LRMDA: variants seen among roughly 807,000 people sequenced by gnomAD.
The protein encoded by LRMDA is leucine-rich melanocyte differentiation-associated protein.
Under a neutral mutation model 29.8 loss-of-function variants are expected in LRMDA, and 18 were observed. The observed-to-expected ratio is 0.60, with a 90% CI of 0.42 to 0.90. The LOEUF (loss-of-function observed/expected upper bound fraction) is 0.90. Ranked by LOEUF, LRMDA falls within the 40% of genes least tolerant of loss-of-function variation. LRMDA has a pLI of 0.00. For missense variants in LRMDA, 273 were observed against 273.9 expected (o/e 1.00, Z 0.02); for synonymous variants, 125 against 109.4 (o/e 1.14, Z -0.89).
At chr10:76,299,566 G>A (rs1016029846) in intron 5 of LRMDA, among the ~76,000 whole-genome samples, 1 of 150,496 alleles carries the variant, frequency 6.6e-6, no homozygotes, top group African/African-American at 2.4e-5. Flanking sequence ...ACAATGAATG[G>A]TCAGTTAGAA....
At chr10:75,708,378 T>C (rs112329404) in intron 2 of LRMDA, among the ~76,000 whole-genome samples, 1 of 152,354 alleles carries the variant, frequency 6.6e-6, no homozygotes, top group African/African-American at 2.4e-5. Flanking sequence ...TTACAGAACA[T>C]AAAGTTTGAA....
At chr10:76,416,097 A>C (rs571282700) in intron 6 of LRMDA, among the ~76,000 whole-genome samples, 19 of 152,328 alleles carry the variant, frequency 1.2e-4, no homozygotes, top group African/African-American at 3.8e-4. Flanking sequence ...GAGACTTAGG[A>C]AGAAGCATAC....
At chr10:75,735,004 T>G (rs561916310) in intron 2 of LRMDA, among the ~76,000 whole-genome samples, 2 of 152,310 alleles carry the variant, frequency 1.3e-5, no homozygotes, top group East Asian at 3.9e-4. Context: ...TCGCTCTAAT[T>G]TACTTATTCA....
At chr10:75,877,979 TG>T (rs1845228430) in intron 2 of LRMDA, among the ~76,000 whole-genome samples, 1 of 152,198 alleles carries the variant, frequency 6.6e-6, no homozygotes, top group Admixed American at 6.5e-5. Flanking sequence ...GCTTCTTTGA[TG>T]CCCTGCTGCT....
chr10:76,161,502 GAAAC>G (rs1034510768), intron 5 of LRMDA, among the ~76,000 whole-genome samples: 4 of 152,154 alleles, frequency 2.6e-5, no homozygotes, highest in African/African-American at 9.7e-5. Flanking sequence ...ACAGTTCTGG[GAAAC>G]AAACAAACAA....
intron 2 of LRMDA, among the ~76,000 whole-genome samples, chr10:75,530,744 A>G (rs753877327): frequency 3.9e-5 from 6 of 152,126 alleles, no homozygotes; most frequent in African/African-American, 9.7e-5. Context: ...TGAAACAAAG[A>G]GTTGACATTC....
At chr10:75,436,064 A>G (rs531759970) in intron 1 of LRMDA, among the ~76,000 whole-genome samples, 1 of 142,220 alleles carries the variant, frequency 7.0e-6, no homozygotes, top group Admixed American at 7.0e-5. Flanking sequence ...TTTAAAAAAA[A>G]AAAAAAAAAA....
chr10:76,364,401 C>A (rs575505142), intron 6 of LRMDA, among the ~76,000 whole-genome samples: 7 of 151,998 alleles, frequency 4.6e-5, no homozygotes, highest in Non-Finnish European at 8.8e-5. Context: ...ACTATATGGA[C>A]GTTAGGGATT....
At chr10:76,254,133 G>T (rs990599704) in intron 5 of LRMDA, among the ~76,000 whole-genome samples, 1 of 151,940 alleles carries the variant, frequency 6.6e-6, no homozygotes, top group Admixed American at 6.6e-5. Flanking sequence ...ATACTAGTTT[G>T]GTTTCTTTCA....
At chr10:75,945,013 G>T (rs1846453813) in intron 2 of LRMDA, among the ~76,000 whole-genome samples, 2 of 151,960 alleles carry the variant, frequency 1.3e-5, no homozygotes, top group South Asian at 4.2e-4. Flanking sequence ...TTGACTATGG[G>T]TCACATTGCC....
chr10:76,376,099 A>C (rs1463986433), intron 6 of LRMDA, among the ~76,000 whole-genome samples: 2 of 152,076 alleles, frequency 1.3e-5, no homozygotes, highest in Admixed American at 1.3e-4. Context: ...CCAACACCCA[A>C]ATAGTGTATA....
intron 6 of LRMDA, among the ~76,000 whole-genome samples, chr10:76,539,873 C>T (rs1436949443): frequency 1.3e-5 from 2 of 152,096 alleles, no homozygotes; most frequent in Admixed American, 1.3e-4. Context: ...AGTGAAAACA[C>T]ATTAAAAATT....
chr10:75,797,886 T>C (rs958705423), intron 2 of LRMDA, among the ~76,000 whole-genome samples: 13 of 152,202 alleles, frequency 8.5e-5, no homozygotes, highest in African/African-American at 3.1e-4. Flanking sequence ...TTGAGTCAAA[T>C]TGCTGCTAGA....
intron 6 of LRMDA, among the ~76,000 whole-genome samples, chr10:76,352,238 A>T (rs1456624263): frequency 6.6e-6 from 1 of 151,922 alleles, no homozygotes; most frequent in Non-Finnish European, 1.5e-5. Context: ...ATACTGTATT[A>T]TTTTTTTGTG....
intron 2 of LRMDA, among the ~76,000 whole-genome samples, chr10:75,597,559 G>A (rs533711160): frequency 1.3e-5 from 2 of 152,138 alleles, no homozygotes; most frequent in Non-Finnish European, 2.9e-5. Flanking sequence ...AGAGAAAAAA[G>A]GTGTGGTAAT....
intron 5 of LRMDA, among the ~76,000 whole-genome samples, chr10:76,238,922 A>G (rs1223735746): frequency 1.3e-5 from 2 of 152,092 alleles, no homozygotes; most frequent in Non-Finnish European, 2.9e-5. Flanking sequence ...AAACACAGAG[A>G]TATATGTTCT....
chr10:75,498,281 T>TC (rs1273325409), intron 2 of LRMDA, among the ~76,000 whole-genome samples: 1 of 152,162 alleles, frequency 6.6e-6, no homozygotes, highest in African/African-American at 2.4e-5. Flanking sequence ...AGCTTTTTTT[T>TC]CCCCCTTTTA....
intron 5 of LRMDA, among the ~76,000 whole-genome samples, chr10:76,231,096 A>G (rs1298374183): frequency 1.3e-5 from 2 of 152,198 alleles, no homozygotes; most frequent in Non-Finnish European, 2.9e-5. Context: ...GAGCAAAGGC[A>G]TGCAAATTGA....
At chr10:76,411,979 T>C (rs377021407) in intron 6 of LRMDA, among the ~76,000 whole-genome samples, 5 of 152,252 alleles carry the variant, frequency 3.3e-5, no homozygotes, top group Non-Finnish European at 7.3e-5. Context: ...CCGAGTGCTA[T>C]TGGGACACCT....
Sources: allele counts gnomAD v4.1 joint callset (sites outside exome capture counted in the v4.1 genomes callset), GRCh38; gene constraint gnomAD v4.1.1; transcripts MANE v1.5; gene names NCBI Gene and HGNC (gene_info 2026-07-23, HGNC 2026-07-21).